Variants in TRPM3 observed in about 807,000 individuals in gnomAD.
TRPM3 encodes the protein long transient receptor potential channel 3.
In TRPM3, 77 loss-of-function variants were observed where a neutral mutation model predicts 181.2. That is an observed-to-expected ratio of 0.42 (90% CI 0.35 to 0.51). The LOEUF (loss-of-function observed/expected upper bound fraction) is 0.51. Ranked by LOEUF, TRPM3 falls within the 20% of genes least tolerant of loss-of-function variation. The pLI is 0.01. For missense variants in TRPM3, 1,759 were observed against 2,196.7 expected, an observed-to-expected ratio of 0.80 and a Z score of 3.98; for synonymous variants, 745 against 796.4, an observed-to-expected ratio of 0.94 and a Z score of 1.09.
rs2041766918 is a variant in TRPM3 at position 70,536,421 on chromosome 9, G to A, written c.4692C>T (p.Asp1564=). 1.2e-6 allele frequency: 2 copies of A among 1,614,138 alleles called. No homozygotes were observed. Among genetic ancestry groups the A allele is most frequent in the East Asian group, 2.2e-5 (1 of 44,872 alleles). ...CTTGAGGGGCATTGACACACCTTGT[G>A]TCAATACAGTCTGTAATACTTGTGT... ...AEYTSITDCI[D]TRCVNAPQAI... is the part of the protein sequence containing the mutation. Residue 1564 remains aspartate (D), a synonymous_variant, in exon 26 of 26, where the codon GAC becomes GAT. Coordinates refer to ENST00000677713, the MANE Select transcript of TRPM3 (RefSeq NM_001366145.2).
chr9:70,784,058 C>T (rs1303951788), intron 7 of TRPM3, 47 bp downstream of exon 7: 1 of 1,576,294 alleles, frequency 6.3e-7, no homozygotes, highest in Non-Finnish European at 8.6e-7. Context: ...ACCCTCGTTT[C>T]CAAACAGGCT....
chr9:70,837,234 G>A (rs1352793364), intron 5 of TRPM3, among the ~76,000 whole-genome samples: 1 of 152,094 alleles, frequency 6.6e-6, no homozygotes, highest in African/African-American at 2.4e-5. Flanking sequence ...AGTAACAAAT[G>A]TACTGACTTG....
Position 70,534,988 on chromosome 9 carries a change from A to T in TRPM3, c.*965T>A, listed in dbSNP as rs1172403095. ...CACAACACACGACATGAACGGTGAG[A>T]ACAGAACATCCCACATGGCAATTTC... is the stretch of plus-strand genomic sequence containing the variant. On this transcript the variant is annotated 3_prime_UTR_variant, in exon 26 of 26. Transcript: ENST00000677713. 3 of 155,806 alleles carry T rather than the reference A, an allele frequency of 1.9e-5. No homozygotes were observed. Among genetic ancestry groups the T allele is most frequent in the African/African-American group, 7.3e-5 (3 of 41,164 alleles). The allele number at this position is 155,806 out of a possible 1,614,324, so 9.7% of individuals were successfully genotyped here. A position where few individuals can be genotyped will look rare whatever the true frequency, so the allele number is the denominator to read the frequency against.
intron 1 of TRPM3, among the ~76,000 whole-genome samples, chr9:71,183,921 C>T (rs1239809264): frequency 6.6e-6 from 1 of 151,992 alleles, no homozygotes; most frequent in Non-Finnish European, 1.5e-5. Context: ...CACTCATTTG[C>T]CCGTTACTAT....
chr9:70,952,014 C>T (rs2097007764), intron 1 of TRPM3, among the ~76,000 whole-genome samples: 1 of 152,090 alleles, frequency 6.6e-6, no homozygotes, highest in Admixed American at 6.6e-5. Context: ...ATTTATAATC[C>T]AAGAAGCCTT....
chr9:70,749,179 C>A (rs1024899760), intron 8 of TRPM3, among the ~76,000 whole-genome samples: 2 of 152,094 alleles, frequency 1.3e-5, no homozygotes, highest in African/African-American at 4.8e-5. Context: ...GCCACTGTGT[C>A]CAGACAAAAG....
intron 1 of TRPM3, among the ~76,000 whole-genome samples, chr9:70,945,011 T>C (rs1026581938): frequency 1.3e-5 from 2 of 152,228 alleles, no homozygotes; most frequent in Admixed American, 1.3e-4. Flanking sequence ...CTGTCATTCT[T>C]TGAGCCACAT....
intron 1 of TRPM3, among the ~76,000 whole-genome samples, chr9:71,256,934 C>T (rs10746869): frequency 0.54 from 82,434 of 152,000 alleles, 22,478 homozygotes; most frequent in African/African-American, 0.59. Flanking sequence ...GGAAAAGTTG[C>T]ATATTATAAC....
At chr9:70,956,584 C>T (rs1468644921) in intron 1 of TRPM3, among the ~76,000 whole-genome samples, 1 of 152,036 alleles carries the variant, frequency 6.6e-6, no homozygotes, top group Non-Finnish European at 1.5e-5. Context: ...TGGTTTACTT[C>T]TTAGATTAAA....
chr9:71,266,971 A>AAAC (rs1554858345), intron 1 of TRPM3, among the ~76,000 whole-genome samples: 4 of 152,138 alleles, frequency 2.6e-5, no homozygotes, highest in African/African-American at 9.7e-5. Context: ...AAAAAAAAAA[A>AAAC]AAAATGTCAT....
chr9:71,421,585 C>T (rs1422232434), intron 1 of TRPM3, among the ~76,000 whole-genome samples: 1 of 151,912 alleles, frequency 6.6e-6, no homozygotes, highest in African/African-American at 2.4e-5. Context: ...CCATTAGTTT[C>T]CCATATACAG....
At chr9:71,290,111 C>A (rs2085675608) in intron 1 of TRPM3, among the ~76,000 whole-genome samples, 1 of 151,700 alleles carries the variant, frequency 6.6e-6, no homozygotes, top group African/African-American at 2.4e-5. Context: ...GGCTGGAGAA[C>A]AGAATGAGAA....
intron 1 of TRPM3, among the ~76,000 whole-genome samples, chr9:71,227,094 ATG>A (rs2080718324): frequency 7.3e-6 from 1 of 137,406 alleles, no homozygotes; most frequent in Non-Finnish European, 1.6e-5. Context: ...GGGCGGCAGC[ATG>A]ATACTTCATC....
At chr9:71,168,608 TA>T (rs1184540165) in intron 1 of TRPM3, among the ~76,000 whole-genome samples, 11 of 126,932 alleles carry the variant, frequency 8.7e-5, no homozygotes, top group Non-Finnish European at 1.2e-4. Flanking sequence ...TATTTTTATT[TA>T]TTTTTTTATT....
At chr9:71,027,251 T>G (rs1002279178) in intron 1 of TRPM3, among the ~76,000 whole-genome samples, 1 of 152,154 alleles carries the variant, frequency 6.6e-6, no homozygotes, top group Non-Finnish European at 1.5e-5. Flanking sequence ...GCTAGTCCAC[T>G]GACCACCTTA....
chr9:71,339,180 G>C lies in TRPM3; in HGVS notation c.183+107473C>G, dbSNP rs796329720. ...CAAAATTATAAAAATATCCTTAAAA[G>C]ATATAAATGGAGACTTATATAAATT... On this transcript the variant is annotated intron_variant, in intron 1 of 24. Coordinates refer to the TRPM3 transcript ENST00000357533. Among the ~76,000 whole-genome samples, 83 of 152,046 alleles carry C rather than the reference G, an allele frequency of 5.5e-4. 1 individual carries two copies. Among genetic ancestry groups the C allele is most frequent in the African/African-American group, 2.0e-3 (83 of 41,498 alleles).
chr9:70,984,678 G>A (rs932513215), intron 1 of TRPM3, among the ~76,000 whole-genome samples: 4 of 152,160 alleles, frequency 2.6e-5, no homozygotes, highest in African/African-American at 9.7e-5. Flanking sequence ...CAGGAGACAA[G>A]GAATGCTGTC....
intron 8 of TRPM3, among the ~76,000 whole-genome samples, chr9:70,688,456 C>T (rs2067572717): frequency 6.6e-6 from 1 of 152,170 alleles, no homozygotes; most frequent in Non-Finnish European, 1.5e-5. Flanking sequence ...AACCTTCCCC[C>T]ACAAATCCCC....
chr9:70,581,847 C>G (rs1435884048), intron 22 of TRPM3, among the ~76,000 whole-genome samples: 1 of 152,024 alleles, frequency 6.6e-6, no homozygotes, highest in Non-Finnish European at 1.5e-5. Context: ...CCTCTGCTGC[C>G]CTCAACAATC....
Sources: gnomAD v4.1 joint callset for allele counts (sites outside exome capture counted in the v4.1 genomes callset) on GRCh38, gnomAD v4.1.1 for gene constraint, MANE v1.5 for transcripts, NCBI Gene and HGNC (gene_info 2026-07-23, HGNC 2026-07-21) for gene names.